Variants in PCTP observed in about 807,000 individuals in gnomAD.
PCTP encodes the protein phosphatidylcholine transfer protein.
In PCTP, 27 loss-of-function variants were observed where a neutral mutation model predicts 31.0. That is an observed-to-expected ratio of 0.87 (90% CI 0.64 to 1.20). PCTP has a LOEUF of 1.20. Ranked by LOEUF, PCTP falls within the 50% of genes most tolerant of loss-of-function variation. The pLI, the probability that PCTP is intolerant of heterozygous loss-of-function variation, is 0.00. For missense variants in PCTP, 287 were observed against 268.2 expected (o/e 1.07, Z -0.49); for synonymous variants, 108 against 101.2 (o/e 1.07, Z -0.40).
At chr17:55,788,605 T>C (rs997606275) in intron 3 of PCTP, among the ~76,000 whole-genome samples, 2 of 152,214 alleles carry the variant, frequency 1.3e-5, no homozygotes, top group Non-Finnish European at 1.5e-5. Context: ...ATTATACTTA[T>C]GATTGCTAGT....
chr17:55,780,937 G>A (rs1386003970), downstream of PCTP, among the ~76,000 whole-genome samples: 1 of 151,314 alleles, frequency 6.6e-6, no homozygotes, highest in African/African-American at 2.4e-5. Flanking sequence ...GATTAAGGAT[G>A]ACAAAATAAC....
rs981386043 is a variant in PCTP at position 55,776,507 on chromosome 17, A to C, written c.*407A>C. ...GACACAACAAAATTTAAGAATGACT[A>C]TTTGGGCGGGCTGGCTCTTTTGCAG... On this transcript the variant is annotated 3_prime_UTR_variant, in exon 6 of 6. Coordinates refer to ENST00000268896, the MANE Select transcript of PCTP (RefSeq NM_021213.4). 8.1e-7 allele frequency: 1 copy of C among 1,231,980 alleles called. No individual in the cohort carries two copies. Among genetic ancestry groups the C allele is most frequent in the African/African-American group, 1.6e-5 (1 of 64,380 alleles). The allele number at this position is 1,231,980 out of a possible 1,614,324, so 76.3% of individuals were successfully genotyped here.
At chr17:55,838,808 T>C (rs1443791848) in intron 5 of PCTP, among the ~76,000 whole-genome samples, 3 of 152,218 alleles carry the variant, frequency 2.0e-5, no homozygotes, top group Admixed American at 6.5e-5. Flanking sequence ...AGAAGTGTAC[T>C]TATCGGAGAT....
chr17:55,808,623 G>A (rs1912650404), intron 3 of PCTP, among the ~76,000 whole-genome samples: 1 of 152,130 alleles, frequency 6.6e-6, no homozygotes, highest in African/African-American at 2.4e-5. Flanking sequence ...TTGGATGTTC[G>A]CACGTTATTC....
At chr17:55,812,130 A>C (rs895000169) in intron 3 of PCTP, among the ~76,000 whole-genome samples, 1 of 152,212 alleles carries the variant, frequency 6.6e-6, no homozygotes, top group African/African-American at 2.4e-5. Flanking sequence ...ATCTGATTCC[A>C]GGTTTCCTGC....
intron 1 of PCTP, among the ~76,000 whole-genome samples, chr17:55,758,083 A>G (rs533802357): frequency 3.9e-5 from 6 of 152,226 alleles, no homozygotes; most frequent in African/African-American, 4.8e-5. Context: ...TTACCATGCC[A>G]TTAACCACTG....
chr17:55,768,225 A>G (rs1486884620), intron 2 of PCTP, among the ~76,000 whole-genome samples: 2 of 152,164 alleles, frequency 1.3e-5, no homozygotes, highest in African/African-American at 4.8e-5. Flanking sequence ...CACTTTTGCT[A>G]TTGCTAGGAC....
intron 1 of PCTP, among the ~76,000 whole-genome samples, chr17:55,763,649 G>A (rs1172364720): frequency 6.6e-6 from 1 of 152,064 alleles, no homozygotes; most frequent in African/African-American, 2.4e-5. Flanking sequence ...ATAATGTACA[G>A]ATGTATTTAT....
At chr17:55,843,239 T>G (rs1175212664), downstream of PCTP, among the ~76,000 whole-genome samples, 2 of 152,250 alleles carry the variant, frequency 1.3e-5, no homozygotes, top group East Asian at 3.8e-4. Context: ...TGATCTTGTT[T>G]GTTTTCAGGT....
At chr17:55,815,712 G>A (rs1912894483) in intron 3 of PCTP, among the ~76,000 whole-genome samples, 1 of 152,152 alleles carries the variant, frequency 6.6e-6, no homozygotes, top group South Asian at 2.1e-4. Context: ...CACCTTGCTT[G>A]CAACCAGCTA....
intron 3 of PCTP, among the ~76,000 whole-genome samples, chr17:55,802,831 A>T (rs1029533483): frequency 2.0e-5 from 3 of 152,058 alleles, no homozygotes; most frequent in Non-Finnish European, 2.9e-5. Context: ...CTCTCTCACC[A>T]CTCCTATTCA....
chr17:55,757,221 T>TATATACAC (rs1257520670), intron 1 of PCTP, among the ~76,000 whole-genome samples: 1 of 150,832 alleles, frequency 6.6e-6, no homozygotes, highest in African/African-American at 2.4e-5. Context: ...TATATGTATA[T>TATATACAC]ATATACACAT....
chr17:55,827,606 C>T (rs1905444153), downstream of PCTP, among the ~76,000 whole-genome samples: 1 of 152,186 alleles, frequency 6.6e-6, no homozygotes, highest in East Asian at 1.9e-4. Flanking sequence ...GCTAGCAGAA[C>T]TTGTTTTGTT....
intron 2 of PCTP, among the ~76,000 whole-genome samples, chr17:55,784,118 T>A (rs1169689200): frequency 6.6e-6 from 1 of 152,172 alleles, no homozygotes; most frequent in African/African-American, 2.4e-5. Context: ...TCACCCCGTC[T>A]GACATCATTG....
At chr17:55,803,240 G>A (rs1286829936) in intron 3 of PCTP, among the ~76,000 whole-genome samples, 1 of 152,072 alleles carries the variant, frequency 6.6e-6, no homozygotes, top group South Asian at 2.1e-4. Context: ...ACATTCCATG[G>A]TCATGGATAA....
At chr17:55,770,656 T>C (rs1910933026) in intron 2 of PCTP, 1 of 152,672 alleles carries the variant, frequency 6.5e-6, no homozygotes, top group South Asian at 2.1e-4. Context: ...TCGGTTTGAC[T>C]TTTTTCTAGA....
chr17:55,805,976 A>G (rs1912568948), intron 3 of PCTP, among the ~76,000 whole-genome samples: 1 of 151,836 alleles, frequency 6.6e-6, no homozygotes, highest in Admixed American at 6.6e-5. Context: ...ATCCTAAAGA[A>G]TGAAAACATT....
chr17:55,828,816 C>T (rs917229203), intron 5 of PCTP, among the ~76,000 whole-genome samples: 2 of 152,130 alleles, frequency 1.3e-5, no homozygotes, highest in South Asian at 4.2e-4. Flanking sequence ...AAAGTGGGCA[C>T]GAATCACTTT....
intron 5 of PCTP, among the ~76,000 whole-genome samples, chr17:55,833,990 A>T (rs1030620509): frequency 6.6e-6 from 1 of 152,148 alleles, no homozygotes; most frequent in Non-Finnish European, 1.5e-5. Flanking sequence ...TAACTTATTT[A>T]TGTCTGAAGA....
Sources: gnomAD v4.1 joint callset for allele counts (sites outside exome capture counted in the v4.1 genomes callset) on GRCh38, gnomAD v4.1.1 for gene constraint, MANE v1.5 for transcripts, NCBI Gene and HGNC (gene_info 2026-07-23, HGNC 2026-07-21) for gene names.